The following PPARA variants were observed in gnomAD, a reference collection of about 807,000 sequenced individuals.
PPARA encodes the protein peroxisome proliferator activated receptor alpha.
Under a neutral mutation model 42.2 loss-of-function variants are expected in PPARA, and 22 were observed. The observed-to-expected ratio is 0.52, with a 90% CI of 0.37 to 0.74. The LOEUF (loss-of-function observed/expected upper bound fraction) is 0.74. Among genes scored for constraint, PPARA ranks in the 30% least tolerant of loss-of-function variants. PPARA has a pLI of 0.00. For missense variants in PPARA, 465 were observed against 608.2 expected (o/e 0.76, Z 2.48); for synonymous variants, 242 against 239.3 (o/e 1.01, Z -0.10).
chr22:46,214,242 G>A (rs578115109), intron 4 of PPARA, among the ~76,000 whole-genome samples: 14 of 152,322 alleles, frequency 9.2e-5, no homozygotes, highest in South Asian at 4.1e-4. Flanking sequence ...ATGGCAAGGC[G>A]CGGGCCCATA....
At chr22:46,164,713 A>G (rs1490604386) in intron 2 of PPARA, 5 of 152,198 alleles carry the variant, frequency 3.3e-5, no homozygotes, top group African/African-American at 1.2e-4. Context: ...CTTCCTCTCC[A>G]CTTAAATCTA....
At chr22:46,157,463 G>C (rs1330906350) in intron 2 of PPARA, among the ~76,000 whole-genome samples, 1 of 152,172 alleles carries the variant, frequency 6.6e-6, no homozygotes, top group Non-Finnish European at 1.5e-5. Flanking sequence ...GTAGGGAGCA[G>C]GTGTTTCCTC....
At chr22:46,170,018 A>G (rs1927740060) in intron 2 of PPARA, among the ~76,000 whole-genome samples, 2 of 151,964 alleles carry the variant, frequency 1.3e-5, no homozygotes, top group Non-Finnish European at 2.9e-5. Context: ...CACTTCAGGA[A>G]CTTTACTTTT....
In PPARA at chr22:46,233,104, ATGT is replaced by A. The variant is rs1446947982; in HGVS notation, c.1159+869_1159+871del. ...ATATTCCTGTATATATTATATAATG[ATGT>A]TGTATTCATATTATAGACAATATTG... On this transcript the variant is annotated intron_variant, in intron 8 of 8. Transcript: ENST00000407236. This position sits in a 1 kb window ranked among gnomAD's most constrained non-coding sequence, Gnocchi z 7.3. Among the ~76,000 whole-genome samples the A allele has an allele frequency of 4.6e-5, 7 of 151,734 alleles. No homozygotes were observed. In the East Asian group the frequency reaches 1.2e-3, roughly 25 times the overall value.
chr22:46,240,385 G>T lies in PPARA; in HGVS notation c.*5005G>T, dbSNP rs1936340662. On this transcript the variant is annotated 3_prime_UTR_variant, in exon 9 of 9. Coordinates refer to ENST00000407236, the MANE Select transcript of PPARA (RefSeq NM_005036.6). The surrounding 1 kb of genome is among the most constrained non-coding windows in gnomAD (Gnocchi z 6.0). The stretch of plus-strand genomic sequence containing the variant: ...TCCTGCAGCCTCCCTGTTGTTTCTA[G>T]ACTCTTGCACCTGGTGAGTGCAAGG... 7.6e-6 allele frequency: 3 copies of T among 396,508 alleles called. No homozygotes were observed. The highest frequency in any genetic ancestry group is 1.3e-5 in the Non-Finnish European group (3 of 225,212). The allele number at this position is 396,508 out of a possible 1,614,324, so 24.6% of individuals were successfully genotyped here.
chr22:46,224,136 CTT>C lies in PPARA; in HGVS notation c.711+4124_711+4125del, dbSNP rs1210071205. Among the ~76,000 whole-genome samples the C allele has an allele frequency of 2.6e-5, 4 of 152,212 alleles. No individual in the cohort carries two copies. Among genetic ancestry groups the C allele is most frequent in the Admixed American group, 2.0e-4 (3 of 15,278 alleles). The stretch of plus-strand genomic sequence containing the variant: ...GGCAACCTCCAACCATCATGTGACT[CTT>C]TGTGTTTGATCACACTGTTTGCTCC... On this transcript the variant is annotated intron_variant, in intron 7 of 8. Transcript: ENST00000407236. This position sits in a 1 kb window ranked among gnomAD's most constrained non-coding sequence, Gnocchi z 5.7.
rs1485285014 is a variant in PPARA, at chr22:46,232,792, A to G, written c.1159+553A>G. Among the ~76,000 whole-genome samples the G allele has an allele frequency of 2.0e-5, 3 of 150,782 alleles. No individual in the cohort carries two copies. Among genetic ancestry groups the G allele is most frequent in the Non-Finnish European group, 4.4e-5 (3 of 67,760 alleles). ...GGAGGTTGAGACCAGCCTGGGCAAC[A>G]TGGCAAGACCCCGTCTCTACAAAAA... On this transcript the variant is annotated intron_variant, in intron 8 of 8. Transcript: ENST00000407236. The surrounding 1 kb of genome is among the most constrained non-coding windows in gnomAD (Gnocchi z 5.3).
intron 4 of PPARA, among the ~76,000 whole-genome samples, chr22:46,202,970 G>A (rs1168444750): frequency 6.6e-6 from 1 of 152,032 alleles, no homozygotes; most frequent in East Asian, 1.9e-4. Flanking sequence ...AAAAAAAAGG[G>A]GAACTTACAA....
Position 46,180,731 on chromosome 22 carries a change from G to A in PPARA, c.-43+3895G>A, listed in dbSNP as rs1248691232. On this transcript the variant is annotated intron_variant, in intron 3 of 8. Coordinates refer to ENST00000407236, the MANE Select transcript of PPARA (RefSeq NM_005036.6). The surrounding 1 kb of genome is among the most constrained non-coding windows in gnomAD (Gnocchi z 4.2). ...CTGGATGCAAGTCCACTGAGCCAGTGTACACCTTAAATAAATCCTCCTGAA... is the reference window on the plus strand; with the variant it reads ...CTGGATGCAAGTCCACTGAGCCAGTATACACCTTAAATAAATCCTCCTGAA... Among the ~76,000 whole-genome samples, 9 of 152,128 alleles carry A rather than the reference G, an allele frequency of 5.9e-5. No individual in the cohort carries two copies. The highest frequency in any genetic ancestry group is 1.3e-4 in the Non-Finnish European group (9 of 68,040).
Position 46,221,016 on chromosome 22 carries a change from C to A in PPARA, c.711+1002C>A, listed in dbSNP as rs565149718. On this transcript the variant is annotated intron_variant, in intron 7 of 8. Transcript: ENST00000407236. The surrounding 1 kb of genome is among the most constrained non-coding windows in gnomAD (Gnocchi z 5.9). ...GTCTGCTATAAAGAAATCCCTGAGA[C>A]CTGGTAATTTATAAAGAAAAGAGGT... Among the ~76,000 whole-genome samples, 15 of 151,716 alleles carry A rather than the reference C, an allele frequency of 9.9e-5. No individual in the cohort carries two copies. The East Asian group carries it at 2.7e-3, about 27-fold the overall frequency.
At chr22:46,198,761 C>A (rs1001039697) in intron 4 of PPARA, among the ~76,000 whole-genome samples, 170 bp downstream of exon 4, 1 of 149,770 alleles carries the variant, frequency 6.7e-6, no homozygotes. Context: ...CCTGGGTTCA[C>A]ACCATTCTCC....
In PPARA at chr22:46,197,303, G is replaced by A. The variant is rs531282000; in HGVS notation, c.-42-1039G>A. On this transcript the variant is annotated intron_variant, in intron 3 of 8. Coordinates refer to ENST00000407236, the MANE Select transcript of PPARA (RefSeq NM_005036.6). ...GACCTCAAGTGATCCGCCCGCCTCG[G>A]CCTCCCAAAGTGCTGGGATTACAGG... 2.0e-5 allele frequency among the ~76,000 whole-genome samples: 3 copies of A among 151,984 alleles called. No individual in the cohort carries two copies. In the East Asian group the frequency reaches 5.9e-4, roughly 30 times the overall value.
chr22:46,194,289 A>G (rs973634194), intron 3 of PPARA, among the ~76,000 whole-genome samples: 1 of 152,246 alleles, frequency 6.6e-6, no homozygotes, highest in Non-Finnish European at 1.5e-5. Context: ...CTCTTCATTC[A>G]TAGCAAGACC....
rs1034978970 is a variant in PPARA, at chr22:46,180,885, C to G, written c.-43+4049C>G. 3.3e-5 allele frequency among the ~76,000 whole-genome samples: 5 copies of G among 152,132 alleles called. No homozygotes were observed. The highest frequency in any genetic ancestry group is 1.2e-4 in the African/African-American group (5 of 41,434). Reference sequence around the variant, plus strand: ...AGCCCGGGTCGAGGGAGACCTGGGACCTTTGGTGCCAATGGGAGGACTTTA... The same window carrying G: ...AGCCCGGGTCGAGGGAGACCTGGGAGCTTTGGTGCCAATGGGAGGACTTTA... On this transcript the variant is annotated intron_variant, in intron 3 of 8. Transcript: ENST00000407236. This position sits in a 1 kb window ranked among gnomAD's most constrained non-coding sequence, Gnocchi z 4.2.
In PPARA at chr22:46,163,326, T is replaced by G. The variant is rs773542568; in HGVS notation, c.-127+11356T>G. On this transcript the variant is annotated intron_variant, in intron 2 of 8. Transcript: ENST00000407236. This position sits in a 1 kb window ranked among gnomAD's most constrained non-coding sequence, Gnocchi z 4.9. ...CATTAAGCGCTCAAGTTAAACTCCT[T>G]GTGACCCACATAGGTTAGCAGAATT... The G allele has an allele frequency of 6.6e-6, 1 of 152,234 alleles. No individual in the cohort carries two copies. The highest frequency in any genetic ancestry group is 1.5e-5 in the Non-Finnish European group (1 of 68,052). The allele number at this position is 152,234 out of a possible 1,614,324, so 9.4% of individuals were successfully genotyped here.
intron 2 of PPARA, among the ~76,000 whole-genome samples, chr22:46,174,977 T>C (rs974682192): frequency 1.3e-5 from 2 of 151,824 alleles, no homozygotes; most frequent in African/African-American, 4.8e-5. Flanking sequence ...ACTGGTGCAA[T>C]CTCAGGTGAC....
At chr22:46,194,732 C>T (rs1370403998) in intron 3 of PPARA, among the ~76,000 whole-genome samples, 1 of 151,474 alleles carries the variant, frequency 6.6e-6, no homozygotes, top group African/African-American at 2.4e-5. Flanking sequence ...CCACCAAGCC[C>T]AGCTAATTTG....
In PPARA at chr22:46,165,936, G is replaced by A. The variant is rs375029723; in HGVS notation, c.-126-10817G>A. 6.6e-6 allele frequency among the ~76,000 whole-genome samples: 1 copy of A among 151,798 alleles called. No homozygotes were observed. The highest frequency in any genetic ancestry group is 2.4e-5 in the African/African-American group (1 of 41,388). On this transcript the variant is annotated intron_variant, in intron 2 of 8. Transcript: ENST00000407236. The surrounding 1 kb of genome is among the most constrained non-coding windows in gnomAD (Gnocchi z 5.5). ...TCCCAGCGCTTTGGGAGGCCAAGGCGGGTGAATTGCTTGAGTCTGGGAGTT... is the reference window on the plus strand; with the variant it reads ...TCCCAGCGCTTTGGGAGGCCAAGGCAGGTGAATTGCTTGAGTCTGGGAGTT...
Position 46,174,438 on chromosome 22 carries a change from G to A in PPARA, c.-126-2315G>A, listed in dbSNP as rs138947751. ...AATAAATAAAAGAGACAGTTTCTAT[G>A]TTATATATCCTAGCTATGTTTACCA... On this transcript the variant is annotated intron_variant, in intron 2 of 8. Transcript: ENST00000407236. Among the ~76,000 whole-genome samples, 397 of 152,160 alleles carry A rather than the reference G, an allele frequency of 2.6e-3. 1 individual carries two copies. Among genetic ancestry groups the A allele is most frequent in the African/African-American group, 8.0e-3 (333 of 41,472 alleles).
Sources: gnomAD v4.1 joint callset for allele counts (sites outside exome capture counted in the v4.1 genomes callset) on GRCh38, gnomAD v4.1.1 for gene constraint, Gnocchi (gnomAD v3.1) non-coding constraint, MANE v1.5 for transcripts, NCBI Gene and HGNC (gene_info 2026-07-23, HGNC 2026-07-21) for gene names.